The following NRXN3 variants were observed in gnomAD, a reference collection of about 807,000 sequenced individuals.
The protein encoded by NRXN3 is neurexin 3, also known as neurexin III.
NRXN3 carries 32 observed loss-of-function variants against 137.6 expected under a neutral mutation model. The ratio of observed to expected loss-of-function variants is 0.23; its 90% confidence interval spans 0.18 to 0.31. The LOEUF is 0.31. Among genes scored for constraint, NRXN3 ranks in the 10% least tolerant of loss-of-function variants. The pLI is 1.00. For synonymous variants in NRXN3, 798 were observed against 784.5 expected, an observed-to-expected ratio of 1.02 and a Z score of -0.29; for missense variants, 1,574 against 2,062.5, an observed-to-expected ratio of 0.76 and a Z score of 4.59.
chr14:79,656,492 G>C (rs221451), intron 16 of NRXN3, among the ~76,000 whole-genome samples: 16,988 of 152,172 alleles, frequency 0.11, 1,074 homozygotes, highest in East Asian at 0.16. Context: ...TGGTGACTTA[G>C]AGCCGTGGTA....
intron 15 of NRXN3, among the ~76,000 whole-genome samples, chr14:79,198,886 G>A (rs2065494231): frequency 6.6e-6 from 1 of 152,210 alleles, no homozygotes; most frequent in Non-Finnish European, 1.5e-5. Flanking sequence ...AAGCAAAACT[G>A]GCCAGGTGCG....
At chr14:78,495,146 T>TGC (rs1384453125) in intron 4 of NRXN3, among the ~76,000 whole-genome samples, 1 of 149,330 alleles carries the variant, frequency 6.7e-6, no homozygotes, top group Non-Finnish European at 1.5e-5. Flanking sequence ...TGCGTGTGTG[T>TGC]GTGTGTGTGT....
chr14:79,424,591 C>T (rs1055178242), intron 15 of NRXN3, among the ~76,000 whole-genome samples: 3 of 152,126 alleles, frequency 2.0e-5, no homozygotes, highest in Non-Finnish European at 2.9e-5. Flanking sequence ...AGGTCTAAAA[C>T]TGTTAACAGG....
At chr14:78,448,214 C>T (rs997051536) in intron 4 of NRXN3, among the ~76,000 whole-genome samples, 6 of 152,020 alleles carry the variant, frequency 3.9e-5, no homozygotes, top group Non-Finnish European at 8.8e-5. Flanking sequence ...ATTTTTTTTA[C>T]TTTCCTAAAT....
intron 17 of NRXN3, among the ~76,000 whole-genome samples, chr14:79,670,280 A>G (rs776953459): frequency 4.6e-5 from 7 of 151,990 alleles, no homozygotes; most frequent in Non-Finnish European, 7.4e-5. Context: ...TTTTGATATT[A>G]TACAATCACA....
At chr14:79,594,484 C>T (rs1281113380) in intron 16 of NRXN3, among the ~76,000 whole-genome samples, 4 of 152,150 alleles carry the variant, frequency 2.6e-5, no homozygotes, top group Non-Finnish European at 5.9e-5. Context: ...TTTGGTTCTA[C>T]ATACTTTTAA....
At chr14:79,038,103 C>A (rs2099619136) in intron 15 of NRXN3, among the ~76,000 whole-genome samples, 1 of 151,972 alleles carries the variant, frequency 6.6e-6, no homozygotes, top group South Asian at 2.1e-4. Flanking sequence ...TCAATAAATA[C>A]CACCATGTAA....
intron 15 of NRXN3, chr14:79,247,240 C>G (rs897476069): frequency 1.3e-5 from 2 of 152,006 alleles, no homozygotes; most frequent in African/African-American, 4.8e-5. Context: ...TATCTTTATC[C>G]CAATGGAAGA....
intron 10 of NRXN3, among the ~76,000 whole-genome samples, chr14:78,818,818 A>G (rs1003727149): frequency 1.3e-5 from 2 of 152,112 alleles, no homozygotes; most frequent in Non-Finnish European, 2.9e-5. Flanking sequence ...TAATTTCTTT[A>G]TCCCACCCTA....
chr14:79,316,764 A>G (rs972349649), intron 15 of NRXN3, among the ~76,000 whole-genome samples: 1 of 109,404 alleles, frequency 9.1e-6, no homozygotes, highest in Non-Finnish European at 1.9e-5. Flanking sequence ...CTCTCTCTCT[A>G]TTGAATTCTG....
intron 18 of NRXN3, 144 bp downstream of exon 18, chr14:79,692,406 C>T (rs2098719981): frequency 2.9e-6 from 2 of 682,088 alleles, no homozygotes; most frequent in Non-Finnish European, 4.9e-6. Flanking sequence ...TGTCAGCTTC[C>T]ACCTGCCATA....
intron 9 of NRXN3, among the ~76,000 whole-genome samples, chr14:78,807,981 T>A (rs2098887285): frequency 6.6e-6 from 1 of 151,918 alleles, no homozygotes; most frequent in Non-Finnish European, 1.5e-5. Flanking sequence ...CTCATATTTT[T>A]TATTTAAAAA....
intron 16 of NRXN3, among the ~76,000 whole-genome samples, chr14:79,628,561 A>G (rs886455731): frequency 1.3e-5 from 2 of 152,122 alleles, no homozygotes; most frequent in African/African-American, 2.4e-5. Context: ...GTGAGGGCAG[A>G]TATTGGAAAG....
At chr14:79,612,003 T>G (rs952114625) in intron 16 of NRXN3, among the ~76,000 whole-genome samples, 1 of 152,180 alleles carries the variant, frequency 6.6e-6, no homozygotes, top group African/African-American at 2.4e-5. Context: ...CAAATCAAAC[T>G]AAGCTGTGAA....
intron 10 of NRXN3, among the ~76,000 whole-genome samples, chr14:78,931,586 T>C (rs2099322049): frequency 6.6e-6 from 1 of 152,120 alleles, no homozygotes; most frequent in African/African-American, 2.4e-5. Flanking sequence ...ATGAGGACCC[T>C]GAGAATCATA....
intron 15 of NRXN3, among the ~76,000 whole-genome samples, chr14:79,023,067 T>A (rs566869924): frequency 6.6e-6 from 1 of 152,004 alleles, no homozygotes; most frequent in African/African-American, 2.4e-5. Flanking sequence ...AGCGGGTGGC[T>A]TTGAGGTCAT....
intron 10 of NRXN3, among the ~76,000 whole-genome samples, chr14:78,935,978 AGTT>A (rs2099337162): frequency 6.6e-6 from 1 of 152,206 alleles, no homozygotes; most frequent in South Asian, 2.1e-4. Context: ...TTTCTAAGTA[AGTT>A]GAATGGCCTT....
At chr14:78,711,504 C>T (rs2098408154) in intron 7 of NRXN3, among the ~76,000 whole-genome samples, 1 of 139,560 alleles carries the variant, frequency 7.2e-6, no homozygotes, top group Non-Finnish European at 1.5e-5. Context: ...TGCAATGGCG[C>T]AGTCTCGGCT....
chr14:78,873,283 CTT>C (rs57047282), intron 10 of NRXN3, among the ~76,000 whole-genome samples: 3,075 of 152,302 alleles, frequency 0.02, 111 homozygotes, highest in African/African-American at 0.071. Flanking sequence ...CATCCAGTCT[CTT>C]TTGCTACTGC....
Sources: gnomAD v4.1 joint callset for allele counts (sites outside exome capture counted in the v4.1 genomes callset) on GRCh38, gnomAD v4.1.1 for gene constraint, MANE v1.5 for transcripts, NCBI Gene and HGNC (gene_info 2026-07-23, HGNC 2026-07-21) for gene names.